Variants in CHST11 observed in about 807,000 individuals in gnomAD.
CHST11 encodes the protein carbohydrate sulfotransferase 11.
CHST11 carries 9 observed loss-of-function variants against 30.4 expected under a neutral mutation model. The ratio of observed to expected loss-of-function variants is 0.30; its 90% CI spans 0.18 to 0.52. CHST11 has a LOEUF of 0.52. Ranked by LOEUF, CHST11 falls within the 20% of genes least tolerant of loss-of-function variation. The pLI is 0.97. For synonymous variants in CHST11, 152 were observed against 187.8 expected, an observed-to-expected ratio of 0.81 and a Z score of 1.56; for missense variants, 348 against 460.6, an observed-to-expected ratio of 0.76 and a Z score of 2.24.
At chr12:104,496,363 T>A (rs2037798227) in intron 1 of CHST11, among the ~76,000 whole-genome samples, 1 of 152,264 alleles carries the variant, frequency 6.6e-6, no homozygotes, top group African/African-American at 2.4e-5. Context: ...TTAATCTTTA[T>A]CATATTTAAT....
At chr12:104,724,831 A>T (rs1018641956) in intron 2 of CHST11, among the ~76,000 whole-genome samples, 3 of 152,192 alleles carry the variant, frequency 2.0e-5, no homozygotes, top group African/African-American at 7.2e-5. Context: ...TGAATTTCAG[A>T]TAGACAATGA....
At chr12:104,611,130 A>G (rs1041818482) in intron 2 of CHST11, among the ~76,000 whole-genome samples, 13 of 152,348 alleles carry the variant, frequency 8.5e-5, no homozygotes, top group South Asian at 6.2e-4. Flanking sequence ...TGGTAGCCAC[A>G]TTTTGAAAAG....
chr12:104,476,215 CAT>C (rs1349762716), intron 1 of CHST11, among the ~76,000 whole-genome samples: 1 of 140,748 alleles, frequency 7.1e-6, no homozygotes. Flanking sequence ...AACAATATTA[CAT>C]ATATGTTATA....
intron 2 of CHST11, among the ~76,000 whole-genome samples, chr12:104,645,281 G>T (rs1592813545): frequency 6.6e-6 from 1 of 152,252 alleles, no homozygotes. Flanking sequence ...AGTTCCCATG[G>T]TTGGAGGGCA....
intron 2 of CHST11, among the ~76,000 whole-genome samples, chr12:104,684,179 G>T (rs575511193): frequency 6.6e-6 from 1 of 152,164 alleles, no homozygotes; most frequent in Non-Finnish European, 1.5e-5. Context: ...CATGGGTGTG[G>T]CTCTTCCCCC....
At chr12:104,567,944 T>G (rs1449365699) in intron 1 of CHST11, among the ~76,000 whole-genome samples, 1 of 152,230 alleles carries the variant, frequency 6.6e-6, no homozygotes, top group Non-Finnish European at 1.5e-5. Flanking sequence ...TGCTTTGATC[T>G]TGGACTTCCC....
intron 1 of CHST11, among the ~76,000 whole-genome samples, chr12:104,528,511 T>A (rs1340175919): frequency 1.3e-5 from 2 of 152,200 alleles, no homozygotes; most frequent in African/African-American, 4.8e-5. Flanking sequence ...CTCTGTTCAG[T>A]AGAACCATCA....
intron 1 of CHST11, among the ~76,000 whole-genome samples, chr12:104,558,944 G>A (rs919389953): frequency 6.6e-6 from 1 of 152,120 alleles, no homozygotes; most frequent in African/African-American, 2.4e-5. Flanking sequence ...CTAAGCAGGT[G>A]AGTAACAAAC....
intron 1 of CHST11, among the ~76,000 whole-genome samples, chr12:104,544,768 G>GGCCCCCCCCCCC (rs1555231405): frequency 1.9e-5 from 1 of 51,934 alleles, no homozygotes; most frequent in African/African-American, 5.3e-5. Context: ...GGGGGTCACA[G>GGCCCCCCCCCCC]TCCCCCCACC....
intron 1 of CHST11, among the ~76,000 whole-genome samples, chr12:104,567,161 C>T (rs770124192): frequency 8.5e-5 from 13 of 152,084 alleles, no homozygotes; most frequent in African/African-American, 1.7e-4. Flanking sequence ...GTATCCCTTA[C>T]GCTTGCCAGT....
rs145484968 is a variant in CHST11, at chr12:104,499,076, G to C, written c.118+41547G>C. Among the ~76,000 whole-genome samples the C allele has an allele frequency of 1.7e-4, 26 of 152,254 alleles. No homozygotes were observed. The East Asian group carries it at 5.0e-3, about 29-fold the overall frequency. On this transcript the variant is annotated intron_variant, in intron 1 of 2. Coordinates refer to ENST00000303694, the MANE Select transcript of CHST11 (RefSeq NM_018413.6). ...GGTTTAATTTAGATCTCCCTATCTG[G>C]AATTTGATTTCTTTGCAGCAGGGAC...
intron 2 of CHST11, among the ~76,000 whole-genome samples, chr12:104,745,329 G>T (rs527696304): frequency 1.3e-5 from 2 of 152,244 alleles, no homozygotes; most frequent in South Asian, 4.1e-4. Context: ...GTACCATGCC[G>T]TTTCGGTTAC....
intron 2 of CHST11, among the ~76,000 whole-genome samples, chr12:104,711,469 AT>A (rs891878296): frequency 2.3e-4 from 35 of 150,618 alleles, no homozygotes; most frequent in Non-Finnish European, 3.0e-4. Context: ...AGCCAGGCTC[AT>A]TTTTTTTTTA....
intron 1 of CHST11, among the ~76,000 whole-genome samples, chr12:104,475,005 T>C (rs1218156995): frequency 6.6e-6 from 1 of 152,234 alleles, no homozygotes; most frequent in Non-Finnish European, 1.5e-5. Context: ...ATTTCAGGGC[T>C]AAAACCAACA....
intron 2 of CHST11, among the ~76,000 whole-genome samples, chr12:104,656,283 G>A (rs570120809): frequency 6.6e-6 from 1 of 152,084 alleles, no homozygotes; most frequent in Non-Finnish European, 1.5e-5. Flanking sequence ...AAGTCTAGCC[G>A]CATATCACCC....
chr12:104,499,521 C>T (rs2037832497), intron 1 of CHST11, among the ~76,000 whole-genome samples: 1 of 152,144 alleles, frequency 6.6e-6, no homozygotes, highest in Admixed American at 6.5e-5. Flanking sequence ...TAACCTTGGC[C>T]TCAGCAAGAA....
chr12:104,467,815 A>G (rs556200330), intron 1 of CHST11, among the ~76,000 whole-genome samples: 4 of 152,340 alleles, frequency 2.6e-5, no homozygotes, highest in Admixed American at 2.6e-4. Flanking sequence ...GTAACAGGAC[A>G]CTTAACATTT....
At chr12:104,571,396 C>G (rs1214336573) in intron 1 of CHST11, among the ~76,000 whole-genome samples, 1 of 152,096 alleles carries the variant, frequency 6.6e-6, no homozygotes, top group Non-Finnish European at 1.5e-5. Context: ...CTCCTGACCT[C>G]AGGTGATCCG....
intron 2 of CHST11, among the ~76,000 whole-genome samples, chr12:104,655,750 A>T (rs2039538373): frequency 6.6e-6 from 1 of 152,232 alleles, no homozygotes; most frequent in African/African-American, 2.4e-5. Context: ...CCCTGAGTAC[A>T]AAAGGGGTGC....
Sources: gnomAD v4.1 joint callset for allele counts (sites outside exome capture counted in the v4.1 genomes callset) on GRCh38, gnomAD v4.1.1 for gene constraint, MANE v1.5 for transcripts, NCBI Gene and HGNC (gene_info 2026-07-23, HGNC 2026-07-21) for gene names.